The following ANO1 variants were observed in gnomAD, a reference collection of about 807,000 sequenced individuals.
The protein encoded by ANO1 is anoctamin 1, also known as anoctamin-1.
Under a neutral mutation model 124.0 loss-of-function variants are expected in ANO1, and 59 were observed. That is an observed-to-expected ratio of 0.48 (90% CI 0.39 to 0.59). The LOEUF (loss-of-function observed/expected upper bound fraction) is 0.59, where lower values mean the gene tolerates loss of function less well. Among genes scored for constraint, ANO1 ranks in the 20% least tolerant of loss-of-function variants. The probability of loss-of-function intolerance (pLI) is 0.00; values close to 1 mark genes in which losing one functional copy is unlikely to be tolerated. For missense variants in ANO1, 1,059 were observed against 1,328.0 expected, an observed-to-expected ratio of 0.80 and a Z score of 3.15; for synonymous variants, 529 against 532.0, an observed-to-expected ratio of 0.99 and a Z score of 0.08.
chr11:70,167,473 T>C, intron 21 of ANO1, 86 bp downstream of exon 21: 1 of 1,503,604 alleles, frequency 6.7e-7, no homozygotes, highest in Admixed American at 2.1e-5. Flanking sequence ...TGCAGGGGCA[T>C]GATGCCCCCA....
At chr11:70,033,773 T>C (rs887686254) in intron 1 of ANO1, among the ~76,000 whole-genome samples, 1 of 152,094 alleles carries the variant, frequency 6.6e-6, no homozygotes, top group Non-Finnish European at 1.5e-5. Flanking sequence ...ATTCATTCCA[T>C]ATTGTCTGTC....
chr11:70,081,538 A>G (rs2044200452), intron 1 of ANO1, among the ~76,000 whole-genome samples: 1 of 152,254 alleles, frequency 6.6e-6, no homozygotes, highest in Non-Finnish European at 1.5e-5. Flanking sequence ...CTCAAAACCA[A>G]AAGAAATTTT....
chr11:70,173,001 G>A (rs1396223133), intron 22 of ANO1, among the ~76,000 whole-genome samples: 3 of 151,920 alleles, frequency 2.0e-5, no homozygotes, highest in Non-Finnish European at 2.9e-5. Context: ...AGTTGTTAGC[G>A]GTTCTGGCTG....
upstream of ANO1, among the ~76,000 whole-genome samples, chr11:69,983,664 C>T (rs1332129199): frequency 6.6e-6 from 1 of 152,190 alleles, no homozygotes; most frequent in Non-Finnish European, 1.5e-5. Context: ...TCACGTGATG[C>T]CACTTACCAA....
intron 1 of ANO1, among the ~76,000 whole-genome samples, chr11:70,069,939 G>A (rs958619165): frequency 2.7e-5 from 4 of 149,098 alleles, no homozygotes; most frequent in African/African-American, 9.7e-5. Flanking sequence ...ATGCAAGGAT[G>A]TGCATGCATG....
rs1555000089 is a variant in ANO1, at chr11:70,006,589, T to TTCTTTCTTTCCTTCTTTCTTTC, written c.58+20434_58+20455dup. Among the ~76,000 whole-genome samples, 17 of 151,764 alleles carry TTCTTTCTTTCCTTCTTTCTTTC rather than the reference T, an allele frequency of 1.1e-4. 1 individual carries two copies. The highest frequency in any genetic ancestry group is 4.1e-4 in the African/African-American group (17 of 41,448). ...TTTCTTTCTTTCTTTCTTACTTACT[T>TTCTTTCTTTCCTTCTTTCTTTC]TCTTTCTTTCCTTCTTTCTTTCTCT... On this transcript the variant is annotated intron_variant, in intron 1 of 27. Coordinates refer to the ANO1 transcript ENST00000531349.
At chr11:70,130,860 C>T (rs573255026) in intron 10 of ANO1, among the ~76,000 whole-genome samples, 1 of 152,372 alleles carries the variant, frequency 6.6e-6, no homozygotes, top group African/African-American at 2.4e-5. Flanking sequence ...AGCCCCCGTT[C>T]TCCCAGAGAA....
intron 1 of ANO1, among the ~76,000 whole-genome samples, chr11:70,003,123 T>G (rs940702892): frequency 2.6e-5 from 4 of 152,150 alleles, no homozygotes; most frequent in African/African-American, 7.2e-5. Context: ...AGAATTGTTT[T>G]TATCACTCTA....
At chr11:70,186,352 G>GAGGGAGGGAGGAAGGAAGGAAGGA (rs1482653844) in intron 25 of ANO1, among the ~76,000 whole-genome samples, 10 of 126,894 alleles carry the variant, frequency 7.9e-5, no homozygotes, top group African/African-American at 3.3e-4. Flanking sequence ...GAGGGGGAGG[G>GAGGGAGGGAGGAAGGAAGGAAGGA]AGGAAGGAAG....
At chr11:70,160,121 G>T (rs2047986952) in intron 16 of ANO1, among the ~76,000 whole-genome samples, 1 of 152,134 alleles carries the variant, frequency 6.6e-6, no homozygotes, top group Non-Finnish European at 1.5e-5. Flanking sequence ...CCTGTCCTGG[G>T]AGCCACCTGT....
At chr11:70,148,050 C>A (rs2047450255) in intron 11 of ANO1, among the ~76,000 whole-genome samples, 1 of 152,206 alleles carries the variant, frequency 6.6e-6, no homozygotes, top group South Asian at 2.1e-4. Context: ...CCTATTCGCA[C>A]CTCGCCTTAA....
rs745381161 is a variant in ANO1, at chr11:70,153,060, C to T, written c.1357C>T (p.His453Tyr). The change falls in exon 14 of 26, where the codon CAT becomes TAT. Residue 453 changes from histidine (H) to tyrosine (Y), a missense_variant. This residue lies in a region of ANO1 where 809 missense variants were observed against 1,094.9 expected (regional missense o/e 0.74). Coordinates refer to ENST00000355303, the MANE Select transcript of ANO1 (RefSeq NM_018043.7). ...CTTGACTTGGTTTCATTCACAGGAT[C>T]ATCCTAGAGCTGAATACGAAGCCAG... ...FEEEEEAVKD[H>Y]PRAEYEARVL... 1.5e-5 allele frequency: 24 copies of T among 1,604,230 alleles called. No individual in the cohort carries two copies. The South Asian group carries it at 2.7e-4, about 18-fold the overall frequency.
chr11:70,059,377 C>A (rs1434001743), intron 1 of ANO1, among the ~76,000 whole-genome samples: 2 of 146,958 alleles, frequency 1.4e-5, no homozygotes, highest in Admixed American at 6.8e-5. Context: ...AAAGCCGAAC[C>A]ATTGTCAGAT....
intron 21 of ANO1, among the ~76,000 whole-genome samples, chr11:70,168,926 T>A (rs552585189): frequency 6.6e-6 from 1 of 150,836 alleles, no homozygotes; most frequent in Non-Finnish European, 1.5e-5. Context: ...GAATCTTCAG[T>A]GTGGCGTTCT....
At chr11:70,003,916 T>C (rs781859254) in intron 1 of ANO1, among the ~76,000 whole-genome samples, 20 of 152,254 alleles carry the variant, frequency 1.3e-4, no homozygotes, top group Non-Finnish European at 2.2e-4. Flanking sequence ...GCTCCTGCCA[T>C]GTTCTCCCAG....
intron 22 of ANO1, among the ~76,000 whole-genome samples, chr11:70,177,391 G>T (rs2048744147): frequency 6.6e-6 from 1 of 152,180 alleles, no homozygotes; most frequent in Non-Finnish European, 1.5e-5. Flanking sequence ...ACTCTCTAGT[G>T]GGGGTCTGGG....
At chr11:70,119,401 T>TGGAG (rs2046151447) in intron 8 of ANO1, among the ~76,000 whole-genome samples, 1 of 141,088 alleles carries the variant, frequency 7.1e-6, no homozygotes. Context: ...GATGGGTGGG[T>TGGAG]GGGTAGGTGA....
At position 70,047,102 on chromosome 11, in the gene ANO1, A is replaced by G. The variant is rs1216706405; in HGVS notation, c.59-31440A>G. Among the ~76,000 whole-genome samples, 3 of 151,708 alleles carry G rather than the reference A, an allele frequency of 2.0e-5. No homozygotes were observed. The East Asian group carries it at 5.8e-4, about 29-fold the overall frequency. On this transcript the variant is annotated intron_variant, in intron 1 of 27. Coordinates refer to the ANO1 transcript ENST00000531349. ...TCTCAAAAAAAAAAAAAAAAAGAAA[A>G]AGAAAGAAAGAAAAAGGACATTAAG... is the stretch of plus-strand genomic sequence containing the variant.
chr11:70,134,839 G>GC (rs1401450437), intron 11 of ANO1, among the ~76,000 whole-genome samples: 1 of 152,204 alleles, frequency 6.6e-6, no homozygotes, highest in Non-Finnish European at 1.5e-5. Context: ...TCAAGAGAAG[G>GC]CCCCATGGGA....
Sources: allele counts gnomAD v4.1 joint callset (sites outside exome capture counted in the v4.1 genomes callset), GRCh38; gene constraint gnomAD v4.1.1; regional missense constraint gnomAD v4.1.1; transcripts MANE v1.5; gene names NCBI Gene and HGNC (gene_info 2026-07-23, HGNC 2026-07-21).